Variants in FOLH1 observed in about 807,000 individuals in gnomAD.
FOLH1 encodes the protein folate hydrolase 1.
In FOLH1, 54 loss-of-function variants were observed where a neutral mutation model predicts 93.9. That is an observed-to-expected ratio of 0.57 (90% CI 0.46 to 0.72). The LOEUF (loss-of-function observed/expected upper bound fraction) is 0.72. FOLH1 is among the 30% of genes least tolerant of loss of function. The probability of loss-of-function intolerance (pLI) is 0.00; values close to 1 mark genes in which losing one functional copy is unlikely to be tolerated. For synonymous variants in FOLH1, 249 were observed against 303.6 expected (o/e 0.82, Z 1.87); for missense variants, 571 against 892.5 (o/e 0.64, Z 4.59).
intron 15 of FOLH1, among the ~76,000 whole-genome samples, chr11:49,155,795 C>CATATATAG (rs1856943382): frequency 1.9e-5 from 1 of 52,130 alleles, no homozygotes; most frequent in Admixed American, 2.8e-4. Context: ...AAATGAAAAC[C>CATATATAG]ATATATATAT....
At chr11:49,176,830 C>T (rs2851555) in intron 7 of FOLH1, among the ~76,000 whole-genome samples, 2 of 129,976 alleles carry the variant, frequency 1.5e-5, no homozygotes, top group Admixed American at 1.5e-4. Flanking sequence ...CTTAACAATA[C>T]TCCAAACCTT....
intron 7 of FOLH1, 60 bp from the exon 8 acceptor site, chr11:49,176,017 T>C (rs1166305633): frequency 2.1e-6 from 3 of 1,447,844 alleles, no homozygotes; most frequent in Non-Finnish European, 1.9e-6. Context: ...CGCATTAAAA[T>C]GTTAATGGAT....
At position 49,182,577 on chromosome 11, in the gene FOLH1, A is replaced by G. The variant is rs565152662; in HGVS notation, c.920+572T>C. On this transcript the variant is annotated intron_variant, in intron 7 of 18. Transcript: ENST00000256999. ...AGTAAGAGGAATACATGAGTAAGAG[A>G]TTTACTAGGGAAAAGCATGTGTGGA... is the stretch of plus-strand genomic sequence containing the variant. Among the ~76,000 whole-genome samples, 12 of 152,298 alleles carry G rather than the reference A, an allele frequency of 7.9e-5. No homozygotes were observed. In the East Asian group the frequency reaches 1.4e-3, roughly 17 times the overall value.
rs1855742029 is a variant in FOLH1, at chr11:49,145,423, A to G, written c.*1333T>C. 6.6e-6 allele frequency among the ~76,000 whole-genome samples: 1 copy of G among 152,170 alleles called. No homozygotes were observed. Among genetic ancestry groups the G allele is most frequent in the Admixed American group, 6.5e-5 (1 of 15,276 alleles). The stretch of plus-strand genomic sequence containing the variant: ...TGCTGCTATGGCACCCACTTCCTGA[A>G]GTTCATGGTGGCCAGGAGAACCCAG... On this transcript the variant is annotated 3_prime_UTR_variant, in exon 19 of 19. Transcript: ENST00000256999.
At chr11:49,167,915 C>CA (rs1437547789) in intron 12 of FOLH1, among the ~76,000 whole-genome samples, 2 of 53,724 alleles carry the variant, frequency 3.7e-5, no homozygotes, top group African/African-American at 1.5e-4. Flanking sequence ...AAAACACACA[C>CA]AAAAAAACCA....
At chr11:49,169,401 A>G in intron 11 of FOLH1, 143 bp from the exon 12 acceptor site, 3 of 652,712 alleles carry the variant, frequency 4.6e-6, no homozygotes, top group Non-Finnish European at 7.7e-6. Flanking sequence ...AAATTCTCAT[A>G]AAAGAGCTGC....
chr11:49,167,669 G>C (rs535536987), intron 12 of FOLH1, among the ~76,000 whole-genome samples: 2 of 151,988 alleles, frequency 1.3e-5, no homozygotes, highest in Non-Finnish European at 2.9e-5. Flanking sequence ...ACAAAAATTA[G>C]CTGGATGTCT....
intron 7 of FOLH1, among the ~76,000 whole-genome samples, chr11:49,177,119 A>C (rs561276894): frequency 1.1e-4 from 16 of 152,354 alleles, no homozygotes; most frequent in Non-Finnish European, 1.2e-4. Flanking sequence ...TGCACATGCA[A>C]TAAGGAAACA....
chr11:49,177,311 C>T (rs1050146636), intron 7 of FOLH1, among the ~76,000 whole-genome samples: 1 of 151,836 alleles, frequency 6.6e-6, no homozygotes, highest in Admixed American at 6.6e-5. Flanking sequence ...TAAAATGCCA[C>T]GTATAAAGCA....
At chr11:49,167,614 A>T (rs1024709125) in intron 12 of FOLH1, among the ~76,000 whole-genome samples, 4 of 152,168 alleles carry the variant, frequency 2.6e-5, no homozygotes, top group Admixed American at 1.3e-4. Flanking sequence ...CAGGAGTTTG[A>T]GACCAACCTG....
intron 4 of FOLH1, among the ~76,000 whole-genome samples, chr11:49,190,318 T>C (rs979201713): frequency 2.6e-5 from 4 of 152,220 alleles, no homozygotes; most frequent in Non-Finnish European, 4.4e-5. Context: ...GTGTGACAGA[T>C]ATTCCCTCTC....
Position 49,146,804 on chromosome 11 carries a change from T to G in FOLH1, c.2205A>C (p.Ala735=). ...WGEVKRQIYV[A]AFTVQAAAET... ...CTGCAGCTGCCTGCACTGTGAAGGC[T>G]GCAACATAAATCTGTCTCTTCACTT... Residue 735 remains alanine (A), a synonymous_variant, in exon 19 of 19, where the codon GCA becomes GCC. Coordinates refer to ENST00000256999, the MANE Select transcript of FOLH1 (RefSeq NM_004476.3). 6.2e-7 allele frequency: 1 copy of G among 1,613,544 alleles called. No homozygotes were observed.
intron 11 of FOLH1, among the ~76,000 whole-genome samples, chr11:49,169,714 A>G (rs1858974768): frequency 6.6e-6 from 1 of 152,226 alleles, no homozygotes; most frequent in Non-Finnish European, 1.5e-5. Context: ...GTTACGAAAA[A>G]TAAGTGAACT....
intron 3 of FOLH1, among the ~76,000 whole-genome samples, chr11:49,198,169 G>A (rs1387700305): frequency 6.6e-6 from 1 of 151,466 alleles, no homozygotes; most frequent in Non-Finnish European, 1.5e-5. Context: ...GAAGTGAGGA[G>A]GAACGAAAAA....
intron 13 of FOLH1, among the ~76,000 whole-genome samples, chr11:49,163,632 C>T (rs984519747): frequency 3.3e-5 from 5 of 151,970 alleles, no homozygotes; most frequent in Admixed American, 2.6e-4. Flanking sequence ...ACCATCACTG[C>T]TCAGGCCCTT....
intron 10 of FOLH1, 43 bp from the exon 11 acceptor site, chr11:49,171,320 T>G: frequency 2.0e-6 from 3 of 1,494,592 alleles, no homozygotes; most frequent in Non-Finnish European, 2.7e-6. Flanking sequence ...AAAAAATTCA[T>G]AATATACCCA....
intron 13 of FOLH1, among the ~76,000 whole-genome samples, chr11:49,158,735 T>A (rs1420707668): frequency 2.0e-5 from 3 of 152,206 alleles, no homozygotes; most frequent in African/African-American, 7.2e-5. Context: ...ATGGCCGTTT[T>A]AATGATATTG....
chr11:49,173,531 T>C lies in FOLH1; in HGVS notation c.1106-55A>G, dbSNP rs556002242. ...CATTTCAGGTCAATAAAAGAGAAAA[T>C]TGCAAATGACTCAATAGCATCTAAA... is the stretch of plus-strand genomic sequence containing the variant. On this transcript the variant is annotated intron_variant, in intron 9 of 18. Transcript: ENST00000256999. 4 of 1,445,462 alleles carry C rather than the reference T, an allele frequency of 2.8e-6. No individual in the cohort carries two copies. In the South Asian group the frequency reaches 6.1e-5, roughly 22 times the overall value. The allele number at this position is 1,445,462 out of a possible 1,614,324, so 89.5% of individuals were successfully genotyped here.
chr11:49,203,607 C>CA (rs1394194437), intron 2 of FOLH1, among the ~76,000 whole-genome samples: 1 of 152,118 alleles, frequency 6.6e-6, no homozygotes, highest in Non-Finnish European at 1.5e-5. Context: ...GGAATTCTTT[C>CA]AATTTCTTTC....
Sources: gnomAD v4.1 joint callset for allele counts (sites outside exome capture counted in the v4.1 genomes callset) on GRCh38, gnomAD v4.1.1 for gene constraint, MANE v1.5 for transcripts, NCBI Gene and HGNC (gene_info 2026-07-23, HGNC 2026-07-21) for gene names.